Variants in GLI2 observed in about 807,000 individuals in gnomAD.
The protein encoded by GLI2 is GLI family zinc finger 2.
Under a neutral mutation model 78.9 loss-of-function variants are expected in GLI2, and 22 were observed. The ratio of observed to expected loss-of-function variants is 0.28; its 90% CI spans 0.20 to 0.40. The LOEUF is 0.40. Among genes scored for constraint, GLI2 ranks in the 10% least tolerant of loss-of-function variants. The probability of loss-of-function intolerance (pLI) is 1.00; values close to 1 mark genes in which losing one functional copy is unlikely to be tolerated. For synonymous variants in GLI2, 974 were observed against 963.7 expected, an observed-to-expected ratio of 1.01 and a Z score of -0.20; for missense variants, 2,097 against 2,213.2, an observed-to-expected ratio of 0.95 and a Z score of 1.05.
chr2:120,804,160 CT>C (rs1684832052), intron 2 of GLI2, among the ~76,000 whole-genome samples: 1 of 152,192 alleles, frequency 6.6e-6, no homozygotes. Flanking sequence ...ATTTAGACGA[CT>C]CATTTTCATT....
chr2:120,762,621 C>A (rs1379200506), intron 1 of GLI2, among the ~76,000 whole-genome samples: 1 of 152,196 alleles, frequency 6.6e-6, no homozygotes, highest in Non-Finnish European at 1.5e-5. Context: ...TGTGCCTCCG[C>A]GTCTCCCTGA....
chr2:120,805,863 T>A (rs1314119709), intron 2 of GLI2, among the ~76,000 whole-genome samples: 1 of 152,242 alleles, frequency 6.6e-6, no homozygotes, highest in Non-Finnish European at 1.5e-5. Context: ...TTACTATTAG[T>A]ATATTCTGGG....
intron 2 of GLI2, among the ~76,000 whole-genome samples, chr2:120,877,688 T>A (rs1688826903): frequency 6.6e-6 from 1 of 152,254 alleles, no homozygotes; most frequent in African/African-American, 2.4e-5. Context: ...TGTTATTACC[T>A]GTAGTCGTGG....
chr2:120,755,689 G>A (rs957536260), intron 1 of GLI2, among the ~76,000 whole-genome samples: 2 of 151,668 alleles, frequency 1.3e-5, no homozygotes, highest in African/African-American at 4.8e-5. Context: ...TTTCTCTTAT[G>A]TTTTCTTTTA....
chr2:120,847,048 G>A (rs539681140), intron 2 of GLI2, among the ~76,000 whole-genome samples: 5 of 152,026 alleles, frequency 3.3e-5, no homozygotes, highest in East Asian at 1.9e-4. Context: ...TGGTTAGACC[G>A]TCATGGCTTT....
intron 2 of GLI2, among the ~76,000 whole-genome samples, chr2:120,839,720 A>G (rs1686780632): frequency 6.6e-6 from 1 of 151,970 alleles, no homozygotes; most frequent in African/African-American, 2.4e-5. Flanking sequence ...GCGCAACCAC[A>G]CCCAGCTAAT....
intron 2 of GLI2, among the ~76,000 whole-genome samples, chr2:120,806,520 G>GT (rs1426264649): frequency 2.0e-5 from 3 of 152,120 alleles, no homozygotes; most frequent in Non-Finnish European, 4.4e-5. Flanking sequence ...GTGGGCCCTG[G>GT]TGGGAGGAGG....
At chr2:120,892,178 C>A (rs573383368) in intron 2 of GLI2, among the ~76,000 whole-genome samples, 89 of 152,324 alleles carry the variant, frequency 5.8e-4, no homozygotes, top group Middle Eastern at 3.4e-3. Context: ...TCTCTTTGCT[C>A]ACGTGACAGA....
At chr2:120,965,499 G>A (rs932444580) in intron 5 of GLI2, among the ~76,000 whole-genome samples, 4 of 149,902 alleles carry the variant, frequency 2.7e-5, no homozygotes, top group African/African-American at 7.4e-5. Context: ...TGCGGCAGAG[G>A]GGCACACTCC....
At chr2:120,986,197 G>A in intron 12 of GLI2, 81 bp from the exon 13 acceptor site, 1 of 1,298,150 alleles carries the variant, frequency 7.7e-7, no homozygotes. Flanking sequence ...CGAGGGTGTG[G>A]TGCCTGTGCA....
Position 120,800,188 on chromosome 2 carries a change from G to A in GLI2, c.148+2720G>A, listed in dbSNP as rs1057360148. ...CCAAGCCTGGGAGAGGGACAGTGCC[G>A]CAGGGTGCACCCCGGGTGGATGCAA... On this transcript the variant is annotated intron_variant, in intron 2 of 13. Coordinates refer to ENST00000361492, the MANE Select transcript of GLI2 (RefSeq NM_001374353.1). This position sits in a 1 kb window ranked among gnomAD's most constrained non-coding sequence, Gnocchi z 4.1. Among the ~76,000 whole-genome samples, 3 of 152,196 alleles carry A rather than the reference G, an allele frequency of 2.0e-5. No homozygotes were observed. The highest frequency in any genetic ancestry group is 1.3e-4 in the Admixed American group (2 of 15,286).
Position 120,989,730 on chromosome 2 carries a change from C to T in GLI2, c.3765C>T (p.Asn1255=), listed in dbSNP as rs1683193429. Residue 1255 remains asparagine (N), a synonymous_variant, in exon 14 of 14, where the codon AAC becomes AAT. Coordinates refer to ENST00000361492, the MANE Select transcript of GLI2 (RefSeq NM_001374353.1). ...ACCAGTTCCCCCAATCCTGCAGCAA[C>T]ATGCCAGCCAAGCCAGGGCATCTGG... ...ALNQFPQSCS[N]MPAKPGHLGH... is the part of the protein sequence containing the mutation. 1.9e-6 allele frequency: 3 copies of T among 1,613,086 alleles called. No homozygotes were observed. Among genetic ancestry groups the T allele is most frequent in the Non-Finnish European group, 2.5e-6 (3 of 1,179,922 alleles).
At chr2:120,904,690 G>A (rs1031128502) in intron 2 of GLI2, among the ~76,000 whole-genome samples, 4 of 152,190 alleles carry the variant, frequency 2.6e-5, no homozygotes, top group East Asian at 1.9e-4. Context: ...TTTTTAAAAC[G>A]CTGGTGCCCT....
intron 1 of GLI2, among the ~76,000 whole-genome samples, chr2:120,745,942 TG>T (rs1290504748): frequency 1.3e-5 from 2 of 151,748 alleles, no homozygotes; most frequent in African/African-American, 4.8e-5. Flanking sequence ...AGAAGGGAGG[TG>T]GGATGTGGGC....
chr2:120,878,456 G>A (rs776407252), intron 2 of GLI2, among the ~76,000 whole-genome samples: 2 of 152,268 alleles, frequency 1.3e-5, no homozygotes, highest in South Asian at 2.1e-4. Context: ...AAATAAATTA[G>A]TGTCTAGCTA....
intron 1 of GLI2, among the ~76,000 whole-genome samples, chr2:120,757,720 C>T (rs1280698682): frequency 6.6e-6 from 1 of 152,224 alleles, no homozygotes; most frequent in Non-Finnish European, 1.5e-5. Context: ...CCCTCCTCTC[C>T]AACTCCATCT....
intron 5 of GLI2, among the ~76,000 whole-genome samples, chr2:120,964,890 G>C (rs1681764940): frequency 6.6e-6 from 1 of 152,262 alleles, no homozygotes; most frequent in Admixed American, 6.5e-5. Flanking sequence ...CCAGACATCA[G>C]GGCTTCTTTG....
chr2:120,796,082 A>G (rs1684380123), intron 1 of GLI2, among the ~76,000 whole-genome samples: 1 of 152,086 alleles, frequency 6.6e-6, no homozygotes, highest in Non-Finnish European at 1.5e-5. Context: ...AAAACAAAAA[A>G]CAAACATGTG....
At chr2:120,952,777 C>T (rs1031930553) in intron 4 of GLI2, among the ~76,000 whole-genome samples, 3 of 152,224 alleles carry the variant, frequency 2.0e-5, no homozygotes, top group African/African-American at 7.2e-5. Context: ...TGCCCAGCTG[C>T]TGTCTTGTTG....
Sources: allele counts gnomAD v4.1 joint callset (sites outside exome capture counted in the v4.1 genomes callset), GRCh38; gene constraint gnomAD v4.1.1; non-coding constraint Gnocchi (gnomAD v3.1); transcripts MANE v1.5; gene names NCBI Gene and HGNC (gene_info 2026-07-23, HGNC 2026-07-21).